The following DNAH8 variants were observed in gnomAD, a reference collection of about 807,000 sequenced individuals.
DNAH8 encodes dynein axonemal heavy chain 8.
DNAH8 carries 382 observed loss-of-function variants against 562.1 expected under a neutral mutation model. That is an observed-to-expected ratio of 0.68 (90% CI 0.63 to 0.74). The LOEUF is 0.74. Ranked by LOEUF, DNAH8 falls within the 30% of genes least tolerant of loss-of-function variation. The pLI is 0.00. For synonymous variants in DNAH8, 1,881 were observed against 1,919.4 expected, an observed-to-expected ratio of 0.98 and a Z score of 0.52; for missense variants, 5,203 against 5,620.4, an observed-to-expected ratio of 0.93 and a Z score of 2.37.
chr6:38,781,342 G>T lies in DNAH8; in HGVS notation c.2228G>T (p.Arg743Leu). The change falls in exon 16 of 93, where the codon CGC (arginine) becomes CTC (leucine). Residue 743 changes from arginine (R) to leucine (L), a missense_variant. By Grantham distance (102) the Arg-to-Leu change is moderately radical. Transcript: ENST00000327475. ...GKILWVRQLYRRISEPINYFF... is the reference protein window; with the variant it reads ...GKILWVRQLYLRISEPINYFF... ...ATACTCTGGGTGAGGCAGCTCTATC[G>T]CCGGATAAGTGAGCCCATCAATTAT... is the stretch of plus-strand genomic sequence containing the variant. 6.2e-7 allele frequency: 1 copy of T among 1,613,520 alleles called. No individual in the cohort carries two copies. The highest frequency in any genetic ancestry group is 8.5e-7 in the Non-Finnish European group (1 of 1,179,764).
intron 14 of DNAH8, among the ~76,000 whole-genome samples, chr6:38,778,765 T>G (rs1465789992): frequency 6.6e-6 from 1 of 152,190 alleles, no homozygotes; most frequent in Admixed American, 6.6e-5. Flanking sequence ...TAGGTATTGT[T>G]GGAAAGGGAA....
At chr6:38,802,707 C>G (rs181507485) in intron 21 of DNAH8, among the ~76,000 whole-genome samples, 12 of 152,330 alleles carry the variant, frequency 7.9e-5, no homozygotes, top group African/African-American at 2.9e-4. Context: ...ATCCCAAGAT[C>G]AGTGTTTAAC....
intron 88 of DNAH8, among the ~76,000 whole-genome samples, chr6:39,004,957 G>A (rs1486619105): frequency 6.6e-6 from 1 of 152,176 alleles, no homozygotes; most frequent in African/African-American, 2.4e-5. Context: ...CTACTTTGGG[G>A]CTGTTAAGAA....
At chr6:38,860,130 A>G (rs569811824) in intron 42 of DNAH8, among the ~76,000 whole-genome samples, 3 of 152,050 alleles carry the variant, frequency 2.0e-5, no homozygotes, top group Non-Finnish European at 2.9e-5. Flanking sequence ...TCTTCCTCTG[A>G]GTGCCCCTCT....
chr6:38,866,511 A>G, intron 45 of DNAH8, 80 bp from the exon 46 acceptor site: 1 of 993,474 alleles, frequency 1.0e-6, no homozygotes, highest in Non-Finnish European at 1.5e-6. Flanking sequence ...TAAAATCTGA[A>G]TTAGGGGTTT....
intron 84 of DNAH8, 47 bp downstream of exon 84, chr6:38,973,860 G>A: frequency 1.4e-6 from 2 of 1,461,692 alleles, no homozygotes; most frequent in Non-Finnish European, 1.9e-6. Flanking sequence ...TAATAAAGAT[G>A]ACATCATTGA....
chr6:38,749,849 T>G (rs1765277807), intron 8 of DNAH8, among the ~76,000 whole-genome samples: 1 of 152,250 alleles, frequency 6.6e-6, no homozygotes, highest in Non-Finnish European at 1.5e-5. Flanking sequence ...TTATTTTTTT[T>G]GAGACAAAGT....
chr6:38,863,552 G>A (rs143949858), intron 44 of DNAH8, among the ~76,000 whole-genome samples: 2 of 152,122 alleles, frequency 1.3e-5, no homozygotes, highest in Middle Eastern at 3.4e-3. Context: ...AAACAACTTC[G>A]ACCTATCCTT....
Position 38,926,072 on chromosome 6 carries a change from A to G in DNAH8, c.10980A>G (p.Leu3660=), listed in dbSNP as rs541761822. 105 of 1,613,686 alleles carry G rather than the reference A, an allele frequency of 6.5e-5. 1 individual carries two copies. The highest frequency in any genetic ancestry group is 7.7e-5 in the South Asian group (7 of 91,040). ...TTGTTCAGATTGGTGAGTGGGGGCTACAGGGATTACCAGGAGATGATCTCT... is the reference window on the plus strand; with the variant it reads ...TTGTTCAGATTGGTGAGTGGGGGCTGCAGGGATTACCAGGAGATGATCTCT... ...VDPPTIGEWG[L]QGLPGDDLSI... is the part of the protein sequence containing the mutation. Residue 3660 remains leucine, a synonymous_variant, in exon 74 of 93, where the codon CTA becomes CTG. Transcript: ENST00000327475.
chr6:38,805,504 G>A lies in DNAH8; in HGVS notation c.3058G>A (p.Gly1020Arg). 1 of 1,608,760 alleles carries A rather than the reference G, an allele frequency of 6.2e-7. No homozygotes were observed. The highest frequency in any genetic ancestry group is 8.5e-7 in the Non-Finnish European group (1 of 1,175,642). ...QSEQRKHVVF[G>R]SETGEGENND... ...AGAACAGCGGAAACACGTTGTTTTT[G>A]GAAGTGAAACAGGAGAGGGTGAAAA... The change falls in exon 23 of 93, where the codon GGA becomes AGA. Residue 1020 changes from glycine (G) to arginine (R), a missense_variant. Gly to Arg is a moderately radical substitution (Grantham distance 125). Transcript: ENST00000327475.
At chr6:38,936,665 T>G (rs1269497900) in intron 77 of DNAH8, among the ~76,000 whole-genome samples, 1 of 152,140 alleles carries the variant, frequency 6.6e-6, no homozygotes, top group Admixed American at 6.5e-5. Flanking sequence ...GTCCAGTGAC[T>G]CCTCCCAGCC....
chr6:38,857,416 T>C (rs780088470), intron 41 of DNAH8, 102 bp from the exon 42 acceptor site: 14 of 708,766 alleles, frequency 2.0e-5, no homozygotes, highest in Non-Finnish European at 3.4e-5. Context: ...TGCAAGTCAA[T>C]CTCATTTTTA....
chr6:38,876,214 A>C (rs1165981117), intron 53 of DNAH8, among the ~76,000 whole-genome samples: 4 of 152,236 alleles, frequency 2.6e-5, no homozygotes, highest in African/African-American at 9.6e-5. Flanking sequence ...TGGGAATGCC[A>C]GAATGAGTAG....
At chr6:38,788,138 A>C (rs933832766) in intron 18 of DNAH8, among the ~76,000 whole-genome samples, 1 of 142,882 alleles carries the variant, frequency 7.0e-6, no homozygotes, top group Non-Finnish European at 1.5e-5. Flanking sequence ...ATAATAAATA[A>C]ATTTCAGACT....
chr6:38,881,364 T>C (rs1224555633), intron 53 of DNAH8, among the ~76,000 whole-genome samples: 1 of 152,178 alleles, frequency 6.6e-6, no homozygotes, highest in African/African-American at 2.4e-5. Flanking sequence ...TTCTGAATCA[T>C]TGTATAATCT....
At chr6:38,803,347 T>G in intron 22 of DNAH8, 36 bp downstream of exon 22, 7 of 1,555,972 alleles carry the variant, frequency 4.5e-6, no homozygotes, top group East Asian at 2.3e-5. Flanking sequence ...AATTACAAGA[T>G]CTACAGATTC....
intron 33 of DNAH8, among the ~76,000 whole-genome samples, chr6:38,840,111 A>G (rs62396405): frequency 0.035 from 5,380 of 152,308 alleles, 140 homozygotes; most frequent in Non-Finnish European, 0.051. Context: ...TCATGTGTGA[A>G]CCTGGAGCAT....
At chr6:38,909,363 T>G (rs917744520) in intron 64 of DNAH8, among the ~76,000 whole-genome samples, 155 bp from the exon 65 acceptor site, 4 of 152,106 alleles carry the variant, frequency 2.6e-5, no homozygotes, top group Non-Finnish European at 4.4e-5. Flanking sequence ...TTTCCTCCCT[T>G]CATCACAACA....
At chr6:38,970,578 C>G (rs1763268478) in intron 82 of DNAH8, among the ~76,000 whole-genome samples, 1 of 152,184 alleles carries the variant, frequency 6.6e-6, no homozygotes, top group Non-Finnish European at 1.5e-5. Context: ...CTCAGAATAT[C>G]TGGCCATTAA....
Sources: allele counts gnomAD v4.1 joint callset (sites outside exome capture counted in the v4.1 genomes callset), GRCh38; gene constraint gnomAD v4.1.1; transcripts MANE v1.5; gene names NCBI Gene and HGNC (gene_info 2026-07-23, HGNC 2026-07-21).